The following TYW1 variants were observed in gnomAD, a reference collection of about 807,000 sequenced individuals.
The protein encoded by TYW1 is tRNA-yW synthesizing protein 1 homolog, also known as S-adenosyl-L-methionine-dependent tRNA 4-demethylwyosine synthase TYW1.
TYW1 carries 46 observed loss-of-function variants against 96.2 expected under a neutral mutation model. The ratio of observed to expected loss-of-function variants is 0.48; its 90% CI spans 0.38 to 0.61. The LOEUF (loss-of-function observed/expected upper bound fraction) is 0.61. Ranked by LOEUF, TYW1 falls within the 20% of genes least tolerant of loss-of-function variation. The pLI, the probability that TYW1 is intolerant of heterozygous loss-of-function variation, is 0.00. For synonymous variants in TYW1, 274 were observed against 323.0 expected, an observed-to-expected ratio of 0.85 and a Z score of 1.63; for missense variants, 684 against 909.6, an observed-to-expected ratio of 0.75 and a Z score of 3.19.
chr7:67,189,627 T>A (rs901685024), intron 14 of TYW1, among the ~76,000 whole-genome samples: 5 of 152,192 alleles, frequency 3.3e-5, no homozygotes, highest in Non-Finnish European at 2.9e-5. Flanking sequence ...GCCTAAATTC[T>A]GTCAATATTA....
intron 4 of TYW1, among the ~76,000 whole-genome samples, chr7:67,011,305 T>C (rs1029297087): frequency 1.3e-5 from 2 of 152,396 alleles, no homozygotes; most frequent in African/African-American, 4.8e-5. Flanking sequence ...CCCATAGTGC[T>C]GGGTTCACAG....
intron 6 of TYW1, among the ~76,000 whole-genome samples, chr7:67,019,030 G>A (rs569300176): frequency 1.8e-4 from 27 of 146,530 alleles, no homozygotes; most frequent in South Asian, 1.7e-3. Context: ...GTGACCCACC[G>A]TGCCCAGCCT....
intron 6 of TYW1, among the ~76,000 whole-genome samples, chr7:67,022,570 G>C (rs74655557): frequency 0.11 from 16,432 of 152,208 alleles, 949 homozygotes; most frequent in Middle Eastern, 0.15. Context: ...TGAAGGTATT[G>C]TTATATATTT....
intron 10 of TYW1, among the ~76,000 whole-genome samples, chr7:67,070,869 T>G (rs1280227466): frequency 6.6e-6 from 1 of 152,086 alleles, no homozygotes; most frequent in East Asian, 1.9e-4. Flanking sequence ...CGGTGGCTCA[T>G]GCCTGTAATT....
chr7:67,128,940 T>C (rs62468404), intron 13 of TYW1, among the ~76,000 whole-genome samples: 75,800 of 151,872 alleles, frequency 0.5, 19,810 homozygotes, highest in African/African-American at 0.66. Flanking sequence ...CCACCTGCCT[T>C]GGCCTCCCAA....
intron 13 of TYW1, among the ~76,000 whole-genome samples, chr7:67,128,145 CTT>C (rs1232251798): frequency 1.3e-5 from 2 of 152,136 alleles, no homozygotes; most frequent in Non-Finnish European, 2.9e-5. Context: ...TCTTTTCTCT[CTT>C]TCTTTTCCTC....
chr7:67,072,934 GTTT>G (rs529812538), intron 10 of TYW1, among the ~76,000 whole-genome samples: 3,285 of 70,550 alleles, frequency 0.047, 18 homozygotes, highest in African/African-American at 0.094. Flanking sequence ...TGCCTATCCA[GTTT>G]TTTTTTTTTT....
chr7:67,074,182 G>A (rs1796134654), intron 10 of TYW1, among the ~76,000 whole-genome samples: 1 of 152,040 alleles, frequency 6.6e-6, no homozygotes, highest in Non-Finnish European at 1.5e-5. Flanking sequence ...CAAGACAAAA[G>A]TATGTTAGCC....
rs1412705178 is a variant in TYW1 at position 67,009,598 on chromosome 7, C to G, written c.289C>G (p.Leu97Val). 1 of 1,611,948 alleles carries G rather than the reference C, an allele frequency of 6.2e-7. No individual in the cohort carries two copies. The highest frequency in any genetic ancestry group is 8.5e-7 in the Non-Finnish European group (1 of 1,179,566). ...TGTAKGFATV[L>V]AEAVTSLDLP... ...GTCCTATTAGGGATTCGCAACAGTTCTTGCTGAAGCAGTTACATCCCTGGA... is the reference window on the plus strand; with the variant it reads ...GTCCTATTAGGGATTCGCAACAGTTGTTGCTGAAGCAGTTACATCCCTGGA... Residue 97 changes from leucine to valine, a missense_variant, in exon 4 of 16, where the codon CTT (leucine) becomes GTT (valine). By Grantham distance (32) the Leu-to-Val change is conservative. Transcript: ENST00000359626.
At chr7:67,010,894 A>G (rs1441310874) in intron 4 of TYW1, among the ~76,000 whole-genome samples, 1 of 152,066 alleles carries the variant, frequency 6.6e-6, no homozygotes, top group Non-Finnish European at 1.5e-5. Flanking sequence ...GCTATTTTGA[A>G]TCTCTTAATT....
Position 67,052,529 on chromosome 7 carries a change from T to TA in TYW1, c.1102+2464dup, listed in dbSNP as rs1404921392. 3.3e-5 allele frequency among the ~76,000 whole-genome samples: 5 copies of TA among 152,298 alleles called. No individual in the cohort carries two copies. The East Asian group carries it at 9.6e-4, about 29-fold the overall frequency. ...GTCTTTTTATATTTTCCACATCTAT[T>TA]ACCTTTTTGAGCCTATAGAAAACAG... On this transcript the variant is annotated intron_variant, in intron 8 of 15. Coordinates refer to ENST00000359626, the MANE Select transcript of TYW1 (RefSeq NM_018264.4).
intron 7 of TYW1, among the ~76,000 whole-genome samples, chr7:67,025,310 T>C (rs1029225928): frequency 6.6e-6 from 1 of 151,826 alleles, no homozygotes; most frequent in African/African-American, 2.4e-5. Flanking sequence ...TGGGCCACAT[T>C]GGTAGAAAAA....
At chr7:67,194,158 G>A (rs182058383) in intron 14 of TYW1, among the ~76,000 whole-genome samples, 1 of 152,226 alleles carries the variant, frequency 6.6e-6, no homozygotes, top group Admixed American at 6.5e-5. Context: ...GTCCAAAAGA[G>A]TTAGATAACT....
intron 5 of TYW1, 95 bp downstream of exon 5, chr7:67,014,656 C>G: frequency 7.3e-7 from 1 of 1,366,306 alleles, no homozygotes; most frequent in Non-Finnish European, 9.9e-7. Flanking sequence ...CACGCACACA[C>G]ACATAAACAC....
At chr7:67,060,278 G>A (rs1300635545) in intron 9 of TYW1, among the ~76,000 whole-genome samples, 1 of 152,072 alleles carries the variant, frequency 6.6e-6, no homozygotes, top group East Asian at 1.9e-4. Context: ...GTTTTGCCAC[G>A]TTGGCCAGGC....
chr7:67,160,348 G>T (rs542209175), intron 13 of TYW1, among the ~76,000 whole-genome samples: 22 of 152,084 alleles, frequency 1.4e-4, no homozygotes, highest in Non-Finnish European at 2.8e-4. Context: ...GTCTATTGTT[G>T]TAATATGTGT....
chr7:67,203,231 T>A (rs1353101694), intron 15 of TYW1, among the ~76,000 whole-genome samples: 1 of 152,260 alleles, frequency 6.6e-6, no homozygotes, highest in East Asian at 1.9e-4. Flanking sequence ...TTACTCTATC[T>A]GACGATAATA....
intron 13 of TYW1, among the ~76,000 whole-genome samples, chr7:67,157,747 C>T (rs1799029821): frequency 6.6e-6 from 1 of 152,196 alleles, no homozygotes; most frequent in Non-Finnish European, 1.5e-5. Flanking sequence ...GTTTCTCAGA[C>T]TTCCCTTGTC....
intron 9 of TYW1, among the ~76,000 whole-genome samples, chr7:67,064,882 C>T (rs1795811727): frequency 6.6e-6 from 1 of 152,328 alleles, no homozygotes; most frequent in African/African-American, 2.4e-5. Flanking sequence ...AATACTGCTC[C>T]CCGCAACAAA....
Sources: allele counts gnomAD v4.1 joint callset (sites outside exome capture counted in the v4.1 genomes callset), GRCh38; gene constraint gnomAD v4.1.1; transcripts MANE v1.5; gene names NCBI Gene and HGNC (gene_info 2026-07-23, HGNC 2026-07-21).